The following SLC6A13 variants were observed in gnomAD, a reference collection of about 807,000 sequenced individuals.
The protein encoded by SLC6A13 is sodium- and chloride-dependent GABA transporter 2.
A neutral mutation model predicts 72.9 loss-of-function variants in SLC6A13; 69 were observed. The ratio of observed to expected loss-of-function variants is 0.95; its 90% CI spans 0.78 to 1.16. The LOEUF (loss-of-function observed/expected upper bound fraction) is 1.16, where lower values mean the gene tolerates loss of function less well. Ranked by LOEUF, SLC6A13 falls within the 50% of genes most tolerant of loss-of-function variation. The pLI, the probability that SLC6A13 is intolerant of heterozygous loss-of-function variation, is 0.00. For missense variants in SLC6A13, 735 were observed against 760.5 expected (o/e 0.97, Z 0.39); for synonymous variants, 303 against 303.0 (o/e 1.00, Z 0.00).
In SLC6A13 at chr12:259,777, G is replaced by C. The variant is rs568268715; in HGVS notation, c.202+74C>G. On this transcript the variant is annotated intron_variant, in intron 2 of 14. Coordinates refer to ENST00000343164, the MANE Select transcript of SLC6A13 (RefSeq NM_016615.5). ...TATACATCTATGGGACTCCCCAGAGGGGCCGTAAGTGCAGGAGATGGAAGT... is the reference window on the plus strand; with the variant it reads ...TATACATCTATGGGACTCCCCAGAGCGGCCGTAAGTGCAGGAGATGGAAGT... 123 of 1,614,134 alleles carry C rather than the reference G, an allele frequency of 7.6e-5. No individual in the cohort carries two copies. In the African/African-American group the frequency reaches 1.4e-3, roughly 19 times the overall value.
At chr12:249,793 C>T (rs980712044) in intron 2 of SLC6A13, among the ~76,000 whole-genome samples, 1 of 152,004 alleles carries the variant, frequency 6.6e-6, no homozygotes, top group Non-Finnish European at 1.5e-5. Context: ...CAGACAAATA[C>T]ATTATAAGAA....
chr12:240,397 G>A (rs983535331), intron 4 of SLC6A13, among the ~76,000 whole-genome samples: 1 of 152,148 alleles, frequency 6.6e-6, no homozygotes, highest in African/African-American at 2.4e-5. Flanking sequence ...TAGAGATGGG[G>A]TTTCATCGTC....
At chr12:237,348 C>T in intron 5 of SLC6A13, 58 bp from the exon 6 acceptor site, 2 of 1,596,284 alleles carry the variant, frequency 1.3e-6, no homozygotes, top group Non-Finnish European at 8.6e-7. Context: ...GTTTTGTGGC[C>T]CCGTCCTGGG....
At chr12:225,216 C>A (rs1187423668) in intron 9 of SLC6A13, among the ~76,000 whole-genome samples, 3 of 152,236 alleles carry the variant, frequency 2.0e-5, no homozygotes, top group Non-Finnish European at 2.9e-5. Flanking sequence ...ATCACTGTGA[C>A]CTCGGAGGTC....
At chr12:255,135 G>C (rs1254932562) in intron 2 of SLC6A13, among the ~76,000 whole-genome samples, 4 of 152,208 alleles carry the variant, frequency 2.6e-5, no homozygotes, top group African/African-American at 9.6e-5. Context: ...GGGATGAGAA[G>C]TGGTCGGGTC....
At chr12:222,837 C>T (rs1337734077) in intron 12 of SLC6A13, among the ~76,000 whole-genome samples, 2 of 152,140 alleles carry the variant, frequency 1.3e-5, no homozygotes, top group Non-Finnish European at 2.9e-5. Context: ...GGCTTGGGTA[C>T]AGGCAGTCAC....
At chr12:230,456 C>T (rs574443285) in intron 7 of SLC6A13, among the ~76,000 whole-genome samples, 77 of 151,784 alleles carry the variant, frequency 5.1e-4, no homozygotes, top group Non-Finnish European at 6.6e-4. Flanking sequence ...ACTGGCTGTG[C>T]GATCTTAGGC....
chr12:227,451 A>G, intron 8 of SLC6A13, 114 bp downstream of exon 8: 1 of 1,535,358 alleles, frequency 6.5e-7, no homozygotes, highest in Admixed American at 2.0e-5. Context: ...GGGGGTGTAG[A>G]CAGGGGGGCA....
intron 1 of SLC6A13, among the ~76,000 whole-genome samples, chr12:262,195 T>C (rs1942948323): frequency 6.6e-6 from 1 of 152,170 alleles, no homozygotes; most frequent in African/African-American, 2.4e-5. Flanking sequence ...CTGGCTCCCT[T>C]AGCCTCATTA....
intron 14 of SLC6A13, 50 bp downstream of exon 14, chr12:221,326 G>A (rs375570972): frequency 2.6e-6 from 4 of 1,519,228 alleles, no homozygotes; most frequent in African/African-American, 1.4e-5. Flanking sequence ...GTCGGCACCT[G>A]CGAAGCCTCC....
chr12:238,838 C>T (rs529577429), intron 4 of SLC6A13, among the ~76,000 whole-genome samples: 176 of 152,216 alleles, frequency 1.2e-3, no homozygotes, highest in African/African-American at 4.0e-3. Flanking sequence ...TACCACCACC[C>T]GGTACAGGGT....
intron 4 of SLC6A13, chr12:238,392 G>T: frequency 7.9e-7 from 1 of 1,262,106 alleles, no homozygotes; most frequent in Non-Finnish European, 1.0e-6. Flanking sequence ...GGCCGAGAGC[G>T]CAGGTTGGAA....
intron 11 of SLC6A13, among the ~76,000 whole-genome samples, chr12:223,506 G>A (rs569573106): frequency 4.1e-4 from 62 of 152,330 alleles, no homozygotes; most frequent in Non-Finnish European, 6.8e-4. Flanking sequence ...CACTGGCCAC[G>A]AAGCCCAAGA....
At chr12:261,883 G>A (rs968463968) in intron 1 of SLC6A13, among the ~76,000 whole-genome samples, 10 of 151,286 alleles carry the variant, frequency 6.6e-5, no homozygotes, top group East Asian at 3.9e-4. Context: ...CCGAGATCGC[G>A]CCACTGCACT....
At chr12:223,691 A>G (rs911832759) in intron 11 of SLC6A13, 11 of 394,248 alleles carry the variant, frequency 2.8e-5, no homozygotes, top group African/African-American at 1.6e-4. Context: ...GCTGCCTGGG[A>G]AATCACCAGA....
intron 4 of SLC6A13, among the ~76,000 whole-genome samples, chr12:239,301 G>A (rs61906961): frequency 4.9e-5 from 3 of 61,294 alleles, no homozygotes; most frequent in Non-Finnish European, 1.3e-4. Flanking sequence ...CACACGTGGG[G>A]TGTGTTGGAT....
chr12:242,193 T>C (rs1014072237), intron 4 of SLC6A13, among the ~76,000 whole-genome samples: 3 of 152,214 alleles, frequency 2.0e-5, no homozygotes, highest in Admixed American at 6.5e-5. Flanking sequence ...ATCTGAACTG[T>C]GCGGGTCCAC....
chr12:239,263 G>T (rs75131194), intron 4 of SLC6A13, among the ~76,000 whole-genome samples: 750 of 15,726 alleles, frequency 0.048, 1 homozygote, highest in East Asian at 0.082. Flanking sequence ...TTCAGCCACC[G>T]GCTCTACCAC....
chr12:224,315 A>G, intron 10 of SLC6A13, 86 bp downstream of exon 10: 1 of 1,362,964 alleles, frequency 7.3e-7, no homozygotes, highest in South Asian at 1.2e-5. Context: ...AAGGGCATCC[A>G]CTTCTGACAT....
Sources: gnomAD v4.1 joint callset for allele counts (sites outside exome capture counted in the v4.1 genomes callset) on GRCh38, gnomAD v4.1.1 for gene constraint, MANE v1.5 for transcripts, NCBI Gene and HGNC (gene_info 2026-07-23, HGNC 2026-07-21) for gene names.